The following RAB3C variants were observed in gnomAD, a reference collection of about 807,000 sequenced individuals.
The protein encoded by RAB3C is RAB3C, member RAS oncogene family.
A neutral mutation model predicts 26.4 loss-of-function variants in RAB3C; 17 were observed. That is an observed-to-expected ratio of 0.64 (90% CI 0.44 to 0.97). The LOEUF (loss-of-function observed/expected upper bound fraction) is 0.97. RAB3C is among the 50% of genes least tolerant of loss of function. RAB3C has a pLI of 0.00. For missense variants in RAB3C, 242 were observed against 281.9 expected (o/e 0.86, Z 1.01); for synonymous variants, 91 against 95.9 (o/e 0.95, Z 0.30).
chr5:58,679,958 T>G (rs910528037), intron 2 of RAB3C, among the ~76,000 whole-genome samples: 1 of 152,338 alleles, frequency 6.6e-6, no homozygotes, highest in African/African-American at 2.4e-5. Context: ...CAGATTTTTG[T>G]GTCATTCTAA....
intron 4 of RAB3C, among the ~76,000 whole-genome samples, chr5:58,848,141 C>T (rs1812867): frequency 0.21 from 31,511 of 152,144 alleles, 3,476 homozygotes; most frequent in Non-Finnish European, 0.26. Flanking sequence ...CAGGCATGAG[C>T]CACCACACCC....
At chr5:58,622,179 G>A (rs912547739) in intron 2 of RAB3C, among the ~76,000 whole-genome samples, 1 of 152,060 alleles carries the variant, frequency 6.6e-6, no homozygotes, top group African/African-American at 2.4e-5. Context: ...TGGGACACAG[G>A]AACGATCCCT....
At chr5:58,795,279 A>G (rs900828192) in intron 3 of RAB3C, among the ~76,000 whole-genome samples, 2 of 152,118 alleles carry the variant, frequency 1.3e-5, no homozygotes, top group African/African-American at 4.8e-5. Flanking sequence ...TTTATAAATT[A>G]CCCAGTTTCG....
chr5:58,649,625 A>G (rs1747601178), intron 2 of RAB3C, among the ~76,000 whole-genome samples: 1 of 152,016 alleles, frequency 6.6e-6, no homozygotes, highest in African/African-American at 2.4e-5. Context: ...GGCACCCAGA[A>G]TCTTCATAAT....
At chr5:58,601,532 G>A (rs1280509025) in intron 1 of RAB3C, among the ~76,000 whole-genome samples, 2 of 151,982 alleles carry the variant, frequency 1.3e-5, no homozygotes, top group East Asian at 3.9e-4. Flanking sequence ...GCTTGTTTTT[G>A]GTCTGTTCAG....
At position 58,856,749 on chromosome 5, in the gene RAB3C, C is replaced by CA. The variant is rs1488738479; in HGVS notation, c.*5399dup. 1 of 152,200 alleles carries CA rather than the reference C, an allele frequency of 6.6e-6. No homozygotes were observed. Among genetic ancestry groups the CA allele is most frequent in the Non-Finnish European group, 1.5e-5 (1 of 68,042 alleles). The allele number at this position is 152,200 out of a possible 1,614,324, so 9.4% of individuals were successfully genotyped here. A position where few individuals can be genotyped will look rare whatever the true frequency, so the allele number is the denominator to read the frequency against. On this transcript the variant is annotated 3_prime_UTR_variant, in exon 5 of 5. Coordinates refer to ENST00000282878, the MANE Select transcript of RAB3C (RefSeq NM_138453.4). ...AGACACAGATGGTACCTGAGCCCCT[C>CA]AGACACCTGCCCTTTCAGGGACGTG...
chr5:58,780,187 G>A (rs1742240009), intron 3 of RAB3C, among the ~76,000 whole-genome samples: 1 of 152,106 alleles, frequency 6.6e-6, no homozygotes, highest in Admixed American at 6.6e-5. Flanking sequence ...CAAATAGCAA[G>A]GCCTGTATTG....
At chr5:58,803,251 A>C (rs1161434393) in intron 3 of RAB3C, among the ~76,000 whole-genome samples, 2 of 152,236 alleles carry the variant, frequency 1.3e-5, no homozygotes, top group Non-Finnish European at 2.9e-5. Context: ...GAAGCACTAA[A>C]CTGGCAAGCT....
At chr5:58,703,341 G>A (rs944367528) in intron 2 of RAB3C, among the ~76,000 whole-genome samples, 10 of 151,950 alleles carry the variant, frequency 6.6e-5, no homozygotes, top group African/African-American at 2.2e-4. Context: ...TGCCACCACA[G>A]CCACCTAATT....
At chr5:58,671,086 G>A (rs887479333) in intron 2 of RAB3C, among the ~76,000 whole-genome samples, 6 of 152,062 alleles carry the variant, frequency 3.9e-5, no homozygotes, top group Admixed American at 1.3e-4. Context: ...CAGGTCCCAG[G>A]TGATGCTCTT....
Position 58,851,223 on chromosome 5 carries a change from C to T in RAB3C, c.556C>T (p.Arg186Cys), listed in dbSNP as rs199852469. 3.7e-5 allele frequency: 59 copies of T among 1,613,430 alleles called. No individual in the cohort carries two copies. Among genetic ancestry groups the T allele is most frequent in the African/African-American group, 8.0e-5 (6 of 74,888 alleles). ...CATTAATGTCAAGCAGACATTTGAG[C>T]GCCTTGTGGATATCATCTGCGACAA... ...DNINVKQTFE[R>C]LVDIICDKMS... Residue 186 changes from arginine to cysteine, a missense_variant, in exon 5 of 5, where the codon CGC (arginine) becomes TGC (cysteine). By Grantham distance (180) the Arg-to-Cys change is radical. Coordinates refer to ENST00000282878, the MANE Select transcript of RAB3C (RefSeq NM_138453.4).
chr5:58,735,164 A>G (rs1307691641), intron 3 of RAB3C, among the ~76,000 whole-genome samples: 9 of 152,204 alleles, frequency 5.9e-5, no homozygotes. Flanking sequence ...GGCTATTTAA[A>G]GCAGCAAAGT....
At chr5:58,621,156 A>G (rs1032987515) in intron 2 of RAB3C, among the ~76,000 whole-genome samples, 2 of 152,230 alleles carry the variant, frequency 1.3e-5, no homozygotes, top group African/African-American at 2.4e-5. Flanking sequence ...TAAGATCCAC[A>G]TCATCTTAGC....
chr5:58,826,074 G>A (rs769588079), intron 4 of RAB3C, among the ~76,000 whole-genome samples: 8 of 152,152 alleles, frequency 5.3e-5, no homozygotes, highest in Non-Finnish European at 1.2e-4. Flanking sequence ...AAGCAACAGG[G>A]AGAGGGAGGC....
chr5:58,597,828 C>T lies in RAB3C; in HGVS notation c.24+14596C>T, dbSNP rs1484989899. Among the ~76,000 whole-genome samples the T allele has an allele frequency of 2.6e-3, 147 of 55,532 alleles. 43 individuals are homozygous for T. Among genetic ancestry groups the T allele is most frequent in the African/African-American group, 8.3e-3 (103 of 12,348 alleles). 36.4% of individuals were successfully genotyped at this position (55,532 alleles called of 152,430 possible). ...TACATTATATATAAGTATACGATAA[C>T]ATGTAATACATTATATATAAGTATA... On this transcript the variant is annotated intron_variant, in intron 1 of 4. Transcript: ENST00000282878.
intron 3 of RAB3C, among the ~76,000 whole-genome samples, chr5:58,808,059 A>C (rs888703264): frequency 1.3e-5 from 2 of 151,874 alleles, no homozygotes; most frequent in Non-Finnish European, 2.9e-5. Context: ...CCCCATCTCT[A>C]CTAAAAATAC....
chr5:58,628,861 C>T (rs1747124188), intron 2 of RAB3C, among the ~76,000 whole-genome samples: 1 of 152,030 alleles, frequency 6.6e-6, no homozygotes, highest in Non-Finnish European at 1.5e-5. Flanking sequence ...TGGCCTCTGA[C>T]AAACATGTTT....
chr5:58,691,860 G>A lies in RAB3C; in HGVS notation c.253-34142G>A, dbSNP rs570993596. ...TTATACCATGATTCGATTAGTGTGT[G>A]GAACTGGTCTTCTTGTTCTTTAATC... On this transcript the variant is annotated intron_variant, in intron 2 of 4. Transcript: ENST00000282878. Among the ~76,000 whole-genome samples the A allele has an allele frequency of 1.1e-4, 17 of 152,294 alleles. No individual in the cohort carries two copies. The East Asian group carries it at 3.3e-3, about 29-fold the overall frequency.
intron 2 of RAB3C, among the ~76,000 whole-genome samples, chr5:58,660,006 T>C (rs1487865128): frequency 1.3e-5 from 2 of 152,112 alleles, no homozygotes; most frequent in East Asian, 3.9e-4. Context: ...GATTTGGTCA[T>C]GTTGCCCAGG....
Sources: gnomAD v4.1 joint callset for allele counts (sites outside exome capture counted in the v4.1 genomes callset) on GRCh38, gnomAD v4.1.1 for gene constraint, MANE v1.5 for transcripts, NCBI Gene and HGNC (gene_info 2026-07-23, HGNC 2026-07-21) for gene names.